The following DCDC1 variants were observed in gnomAD, a reference collection of about 807,000 sequenced individuals.
The protein encoded by DCDC1 is doublecortin domain containing 1.
A neutral mutation model predicts 178.3 loss-of-function variants in DCDC1; 200 were observed. That is an observed-to-expected ratio of 1.12 (90% CI 1.00 to 1.26). DCDC1 has a LOEUF of 1.26. DCDC1 is among the 50% of genes most tolerant of loss of function. The pLI is 0.00. For synonymous variants in DCDC1, 690 were observed against 604.8 expected (o/e 1.14, Z -2.07); for missense variants, 1,983 against 1,749.2 (o/e 1.13, Z -2.38).
intron 9 of DCDC1, among the ~76,000 whole-genome samples, chr11:31,208,618 G>T (rs11031310): frequency 0.26 from 40,031 of 151,876 alleles, 5,432 homozygotes; most frequent in African/African-American, 0.32. Flanking sequence ...GAGTAAAAAA[G>T]AAACTCCTTA....
In DCDC1 at chr11:30,952,571, A is replaced by G. The variant is rs2134487719; in HGVS notation, c.2592-3T>C. ...TTCCTTCATGTTTTATGGCCCACCT[A>G]AAACAAAAGATAAAAAACAAAAAGA... is the stretch of plus-strand genomic sequence containing the variant. On this transcript the variant is annotated splice_region_variant and splice_polypyrimidine_tract_variant and intron_variant, in intron 20 of 38. Coordinates refer to ENST00000684477, the MANE Select transcript of DCDC1 (RefSeq NM_001387274.1). The G allele has an allele frequency of 8.1e-7, 1 of 1,240,422 alleles. No individual in the cohort carries two copies. Among genetic ancestry groups the G allele is most frequent in the South Asian group, 1.4e-5 (1 of 73,496 alleles). 76.8% of individuals were successfully genotyped at this position (1,240,422 alleles called of 1,614,324 possible).
chr11:31,029,656 C>T (rs1464517466), intron 20 of DCDC1, among the ~76,000 whole-genome samples: 1 of 152,096 alleles, frequency 6.6e-6, no homozygotes, highest in African/African-American at 2.4e-5. Flanking sequence ...TGAGAAAATA[C>T]TGTTCTGTAT....
rs550727816 is a variant in DCDC1, at chr11:31,056,712, C to T, written c.2591+7757G>A. On this transcript the variant is annotated intron_variant, in intron 20 of 38. Transcript: ENST00000684477. ...AACTCAAAGGAGAAATAGAAAAATC[C>T]ACAATTTAGTGGGGAATTTTTACCA... Among the ~76,000 whole-genome samples the T allele has an allele frequency of 3.6e-4, 54 of 151,938 alleles. 2 individuals carry two copies. In the Middle Eastern group the frequency reaches 0.01, roughly 29 times the overall value.
At position 30,863,825 on chromosome 11, in the gene DCDC1, C is replaced by T. The variant is rs1357244344; in HGVS notation, c.*1548G>A. 6.6e-6 allele frequency: 1 copy of T among 152,192 alleles called. No individual in the cohort carries two copies. Among genetic ancestry groups the T allele is most frequent in the Non-Finnish European group, 1.5e-5 (1 of 68,026 alleles). 9.4% of individuals were successfully genotyped at this position (152,192 alleles called of 1,614,324 possible). A position where few individuals can be genotyped will look rare whatever the true frequency, so the allele number is the denominator to read the frequency against. On this transcript the variant is annotated 3_prime_UTR_variant, in exon 39 of 39. Transcript: ENST00000684477. ...AGTTCTGTGACAAACATCCACAGTT[C>T]TGTGCACAAACATTTTTTGGGCTGG...
rs775946168 is a variant in DCDC1, at chr11:31,102,283, C to G, written c.1878-1G>C. 7.3e-6 allele frequency: 5 copies of G among 686,938 alleles called. No individual in the cohort carries two copies. The highest frequency in any genetic ancestry group is 1.4e-5 in the Non-Finnish European group (5 of 369,766). 42.6% of individuals were successfully genotyped at this position (686,938 alleles called of 1,614,324 possible). On this transcript the variant is annotated splice_acceptor_variant, in intron 14 of 38. Coordinates refer to ENST00000684477, the MANE Select transcript of DCDC1 (RefSeq NM_001387274.1). LOFTEE classifies it high-confidence loss of function. ...TGGAAATCCCTCACAAACTTCCCAA[C>G]TAAGAAAAGTAAAATACGTAATTAT...
intron 7 of DCDC1, chr11:31,280,625 T>C (rs1946355662): frequency 2.3e-6 from 1 of 443,816 alleles, no homozygotes; most frequent in Non-Finnish European, 4.3e-6. Flanking sequence ...AAAAAAGTCA[T>C]GAGACATTTC....
chr11:31,212,844 A>C (rs1972748367), intron 9 of DCDC1, among the ~76,000 whole-genome samples: 1 of 152,222 alleles, frequency 6.6e-6, no homozygotes, highest in African/African-American at 2.4e-5. Flanking sequence ...CAAGGACATT[A>C]ACTGCAATGC....
At chr11:31,098,725 CT>C (rs964914722) in intron 15 of DCDC1, among the ~76,000 whole-genome samples, 5 of 152,126 alleles carry the variant, frequency 3.3e-5, no homozygotes, top group African/African-American at 1.2e-4. Flanking sequence ...AAAAGTGCTC[CT>C]TTTCAGGTTA....
chr11:30,885,705 A>G (rs951821856), intron 36 of DCDC1, among the ~76,000 whole-genome samples: 16 of 152,144 alleles, frequency 1.1e-4, no homozygotes, highest in African/African-American at 3.9e-4. Context: ...CATGTATACA[A>G]CAGGTGGATG....
chr11:31,092,552 C>A (rs1487348950), intron 16 of DCDC1, among the ~76,000 whole-genome samples: 3 of 152,188 alleles, frequency 2.0e-5, no homozygotes, highest in Admixed American at 1.3e-4. Context: ...TAGTTCAATG[C>A]AGCTAAGTAA....
chr11:31,064,889 T>G, intron 19 of DCDC1, 130 bp downstream of exon 19: 1 of 573,498 alleles, frequency 1.7e-6, no homozygotes, highest in Non-Finnish European at 3.1e-6. Flanking sequence ...ATGTGTATTA[T>G]TTTAAACTAT....
intron 6 of DCDC1, among the ~76,000 whole-genome samples, chr11:31,303,075 T>C (rs1189230263): frequency 6.6e-6 from 1 of 152,186 alleles, no homozygotes; most frequent in Admixed American, 6.5e-5. Context: ...GGGGCACACA[T>C]AGTAGGTACT....
At chr11:30,867,513 C>T (rs1164935221) in intron 38 of DCDC1, among the ~76,000 whole-genome samples, 1 of 152,188 alleles carries the variant, frequency 6.6e-6, no homozygotes, top group Non-Finnish European at 1.5e-5. Flanking sequence ...CCCTTCTCTT[C>T]CTGTGTTGAT....
chr11:30,903,608 T>C lies in DCDC1; in HGVS notation c.4384A>G (p.Ile1462Val), dbSNP rs1380978849. ...SKVYTKDGTP[I>V]FTLRDLVLWA... ...AAAACCAAATCACGCAAGGTAAAGA[T>C]TGGGGTTCCATCTTTGGTATATACT... The change falls in exon 32 of 39, where the codon ATC (isoleucine) becomes GTC (valine). Residue 1462 changes from isoleucine (I) to valine (V), a missense_variant. Transcript: ENST00000684477. 1.2e-6 allele frequency: 2 copies of C among 1,611,414 alleles called. No homozygotes were observed. The highest frequency in any genetic ancestry group is 1.7e-5 in the Admixed American group (1 of 59,696).
intron 32 of DCDC1, among the ~76,000 whole-genome samples, 158 bp from the exon 33 acceptor site, chr11:30,900,656 GAA>G (rs768792709): frequency 6.6e-6 from 1 of 152,040 alleles, no homozygotes; most frequent in Non-Finnish European, 1.5e-5. Context: ...ATTTTGGTCA[GAA>G]ACTTCATATA....
In DCDC1 at chr11:31,213,100, C is replaced by CTCT. The variant is rs1972851664; in HGVS notation, c.1221+28349_1221+28350insAGA. On this transcript the variant is annotated intron_variant, in intron 9 of 38. Coordinates refer to ENST00000684477, the MANE Select transcript of DCDC1 (RefSeq NM_001387274.1). Reference sequence around the variant, plus strand: ...GTGTCATCTTCTATATAAAGCCCAGCCTCTCTCTCTCTCTCTCTCTCTCTC... The same window carrying CTCT: ...GTGTCATCTTCTATATAAAGCCCAGCTCTCTCTCTCTCTCTCTCTCTCTCTCTC... Among the ~76,000 whole-genome samples, 21 of 44,274 alleles carry CTCT rather than the reference C, an allele frequency of 4.7e-4. 4 individuals carry two copies. Among genetic ancestry groups the CTCT allele is most frequent in the African/African-American group, 1.6e-3 (19 of 11,844 alleles). 29.0% of individuals were successfully genotyped at this position (44,274 alleles called of 152,430 possible).
chr11:30,897,289 A>T (rs1349752321), intron 34 of DCDC1, among the ~76,000 whole-genome samples: 1 of 152,154 alleles, frequency 6.6e-6, no homozygotes, highest in African/African-American at 2.4e-5. Flanking sequence ...AAATTAACTT[A>T]AAATTTTTAA....
chr11:30,943,541 C>G, intron 21 of DCDC1: 1 of 377,592 alleles, frequency 2.6e-6, no homozygotes. Flanking sequence ...TACTTTTTAC[C>G]ACAATTCCTT....
At position 31,034,083 on chromosome 11, in the gene DCDC1, G is replaced by A. The variant is rs1953852709; in HGVS notation, c.2591+30386C>T. ...TGCTTGAACCCAGGAGGCGGAGGTT[G>A]CAGTGAGCCGAGATCATGCCACTGC... On this transcript the variant is annotated intron_variant, in intron 20 of 38. Transcript: ENST00000684477. Among the ~76,000 whole-genome samples the A allele has an allele frequency of 4.7e-5, 7 of 149,162 alleles. No homozygotes were observed. The South Asian group carries it at 1.5e-3, about 31-fold the overall frequency.
Sources: allele counts gnomAD v4.1 joint callset (sites outside exome capture counted in the v4.1 genomes callset), GRCh38; gene constraint gnomAD v4.1.1; transcripts MANE v1.5; gene names NCBI Gene and HGNC (gene_info 2026-07-23, HGNC 2026-07-21).